TNR: variants seen among roughly 807,000 people sequenced by gnomAD.
TNR encodes tenascin R.
In TNR, 45 loss-of-function variants were observed where a neutral mutation model predicts 150.4. That is an observed-to-expected ratio of 0.30 (90% confidence interval 0.24 to 0.38). TNR has a LOEUF of 0.38. Among genes scored for constraint, TNR ranks in the 10% least tolerant of loss-of-function variants. TNR has a pLI of 1.00. For missense variants in TNR, 1,544 were observed against 1,759.1 expected (o/e 0.88, Z 2.19); for synonymous variants, 687 against 678.4 (o/e 1.01, Z -0.20).
rs1652902518 is a variant in TNR, at chr1:175,386,026, C to G, written c.1777+6G>C. ...CTTGTGCGTCTCTCCCCCACCGCAG[C>G]CTTACCTGTTGTGAACTGAGTGGTG... On this transcript the variant is annotated splice_donor_region_variant and intron_variant, in intron 8 of 22. Transcript: ENST00000367674. 2.6e-6 allele frequency: 4 copies of G among 1,565,364 alleles called. No individual in the cohort carries two copies. The South Asian group carries it at 4.6e-5, about 18-fold the overall frequency.
intron 2 of TNR, among the ~76,000 whole-genome samples, chr1:175,422,867 C>T (rs1270552255): frequency 6.6e-6 from 1 of 152,164 alleles, no homozygotes; most frequent in African/African-American, 2.4e-5. Context: ...TGATCTTTGG[C>T]CTTCTTTGTC....
chr1:175,427,513 G>A (rs2102067697), intron 2 of TNR, among the ~76,000 whole-genome samples: 2 of 152,274 alleles, frequency 1.3e-5, no homozygotes, highest in Non-Finnish European at 2.9e-5. Context: ...GTGCTCAATG[G>A]TCCCATGTGG....
At chr1:175,646,580 G>T (rs1160414275) in intron 1 of TNR, among the ~76,000 whole-genome samples, 1 of 151,998 alleles carries the variant, frequency 6.6e-6, no homozygotes, top group African/African-American at 2.4e-5. Flanking sequence ...AGAACCAGAA[G>T]GGCCTTAGAC....
chr1:175,649,539 CGCACAGAGCCCG>C lies in TNR; in HGVS notation c.-165+93675_-165+93686del, dbSNP rs796092532. 9.5e-4 allele frequency among the ~76,000 whole-genome samples: 145 copies of C among 152,180 alleles called. 1 individual carries two copies. Among genetic ancestry groups the C allele is most frequent in the African/African-American group, 3.3e-3 (137 of 41,532 alleles). ...TTGTTTCTTGATGGAGCACAGTACT[CGCACAGAGCCCG>C]GCACAGAGCCCGGCACACAGAATGG... On this transcript the variant is annotated intron_variant, in intron 1 of 22. Transcript: ENST00000367674.
At chr1:175,520,417 C>T (rs1659589972) in intron 2 of TNR, among the ~76,000 whole-genome samples, 1 of 152,222 alleles carries the variant, frequency 6.6e-6, no homozygotes, top group South Asian at 2.1e-4. Context: ...TTCCTCAGGC[C>T]TAACAAACAA....
chr1:175,539,128 A>G (rs1373903803), intron 1 of TNR: 1 of 152,258 alleles, frequency 6.6e-6, no homozygotes, highest in Non-Finnish European at 1.5e-5. Context: ...AAAACACCAG[A>G]GGCATGCTCC....
At chr1:175,610,219 C>T (rs953179810) in intron 1 of TNR, among the ~76,000 whole-genome samples, 1 of 152,194 alleles carries the variant, frequency 6.6e-6, no homozygotes, top group African/African-American at 2.4e-5. Flanking sequence ...ACCTAAGACA[C>T]ATGATCCTGG....
chr1:175,683,102 T>C (rs1188210025), intron 1 of TNR, among the ~76,000 whole-genome samples: 2 of 152,040 alleles, frequency 1.3e-5, no homozygotes, highest in East Asian at 3.9e-4. Context: ...TCCCCTTTTC[T>C]CTCCCTGTCC....
chr1:175,365,428 T>C, intron 11 of TNR, 149 bp from the exon 12 acceptor site: 1 of 874,790 alleles, frequency 1.1e-6, no homozygotes, highest in Non-Finnish European at 1.7e-6. Flanking sequence ...CTCCTCACCC[T>C]CCAGTGCTGT....
chr1:175,653,519 C>T (rs887332015), intron 1 of TNR, among the ~76,000 whole-genome samples: 2 of 152,058 alleles, frequency 1.3e-5, no homozygotes, highest in Non-Finnish European at 2.9e-5. Flanking sequence ...TAAGAGGACA[C>T]TGGGAAGTCA....
At chr1:175,685,426 G>A (rs1392406464) in intron 1 of TNR, among the ~76,000 whole-genome samples, 1 of 152,104 alleles carries the variant, frequency 6.6e-6, no homozygotes, top group African/African-American at 2.4e-5. Context: ...CACTCTCCCA[G>A]CAATCTCTGG....
rs754167943 is a variant in TNR, at chr1:175,396,604, T to G, written c.1180A>C (p.Ser394Arg). 1.2e-6 allele frequency: 2 copies of G among 1,614,112 alleles called. No individual in the cohort carries two copies. The highest frequency in any genetic ancestry group is 2.7e-5 in the African/African-American group (2 of 74,948). The change falls in exon 5 of 23, where the codon AGC becomes CGC. Residue 394 changes from serine to arginine, a missense_variant. Ser to Arg is a moderately radical substitution (Grantham distance 110). Transcript: ENST00000367674. ...ATGTTGCTAATGACAGCGTAGACGCTGATGTTGTAGGTGAGACCTGGCTCC... is the reference window on the plus strand; with the variant it reads ...ATGTTGCTAATGACAGCGTAGACGCGGATGTTGTAGGTGAGACCTGGCTCC... The part of the protein sequence containing the change: ...ELEPGLTYNI[S>R]VYAVISNILS...
chr1:175,632,381 C>G (rs565677009), intron 1 of TNR, among the ~76,000 whole-genome samples: 3 of 152,244 alleles, frequency 2.0e-5, no homozygotes, highest in Non-Finnish European at 4.4e-5. Context: ...CACCCAGGCT[C>G]TCATCTCACC....
chr1:175,670,324 C>A (rs753808554), intron 1 of TNR, among the ~76,000 whole-genome samples: 4 of 152,162 alleles, frequency 2.6e-5, no homozygotes, highest in African/African-American at 4.8e-5. Context: ...AAACCTAGGG[C>A]AGGAAGTCTG....
chr1:175,345,179 G>C (rs1021747650), intron 18 of TNR, among the ~76,000 whole-genome samples: 1 of 152,088 alleles, frequency 6.6e-6, no homozygotes, highest in African/African-American at 2.4e-5. Context: ...AAAAAAGAGA[G>C]AGGAAGGCTT....
At chr1:175,568,972 CT>C (rs986577752) in intron 1 of TNR, among the ~76,000 whole-genome samples, 1 of 151,640 alleles carries the variant, frequency 6.6e-6, no homozygotes, top group Non-Finnish European at 1.5e-5. Flanking sequence ...AAGTAAGAGG[CT>C]TTTTTTTCTA....
intron 1 of TNR, among the ~76,000 whole-genome samples, chr1:175,530,836 C>T (rs1463852489): frequency 6.6e-6 from 1 of 152,114 alleles, no homozygotes; most frequent in Non-Finnish European, 1.5e-5. Flanking sequence ...GACTTCCTTT[C>T]ACGCTCATTT....
At chr1:175,575,507 A>C (rs905727442) in intron 1 of TNR, among the ~76,000 whole-genome samples, 3 of 152,228 alleles carry the variant, frequency 2.0e-5, no homozygotes, top group Non-Finnish European at 4.4e-5. Context: ...CATGAGGAAC[A>C]TGCCAACCAT....
rs1423526263 is a variant in TNR at position 175,426,802 on chromosome 1, AAT to A, written c.-63-20027_-63-20026del. ...TATACAGGTGTGTGTGTATATATAT[AAT>A]ATATATAAAATATAAATATATATAA... On this transcript the variant is annotated intron_variant, in intron 2 of 22. Coordinates refer to ENST00000367674, the MANE Select transcript of TNR (RefSeq NM_003285.3). 1.2e-4 allele frequency among the ~76,000 whole-genome samples: 16 copies of A among 136,312 alleles called. 1 individual carries two copies. Among genetic ancestry groups the A allele is most frequent in the African/African-American group, 4.4e-4 (16 of 36,054 alleles). 89.4% of individuals were successfully genotyped at this position (136,312 alleles called of 152,430 possible).
Sources: allele counts gnomAD v4.1 joint callset (sites outside exome capture counted in the v4.1 genomes callset), GRCh38; gene constraint gnomAD v4.1.1; transcripts MANE v1.5; gene names NCBI Gene and HGNC (gene_info 2026-07-23, HGNC 2026-07-21).